Variants in RORA observed in about 807,000 individuals in gnomAD.
The protein encoded by RORA is RAR related orphan receptor A, also known as nuclear receptor ROR-alpha.
In RORA, 7 loss-of-function variants were observed where a neutral mutation model predicts 69.5. The observed-to-expected ratio is 0.10, with a 90% confidence interval of 0.06 to 0.19. The LOEUF is 0.19. RORA is among the 10% of genes least tolerant of loss of function. The pLI is 1.00. For missense variants in RORA, 457 were observed against 663.0 expected (o/e 0.69, Z 3.41); for synonymous variants, 261 against 240.8 (o/e 1.08, Z -0.78).
intron 2 of RORA, among the ~76,000 whole-genome samples, chr15:60,574,983 G>C (rs1157751110): frequency 6.6e-6 from 1 of 152,128 alleles, no homozygotes; most frequent in Non-Finnish European, 1.5e-5. Flanking sequence ...TCAGGGGCAG[G>C]AGAAGAAGAG....
chr15:60,982,851 TA>T (rs1234896803), intron 1 of RORA, among the ~76,000 whole-genome samples: 8 of 152,202 alleles, frequency 5.3e-5, no homozygotes, highest in Admixed American at 3.3e-4. Flanking sequence ...ACTTTTTTTC[TA>T]GCTTTTATAG....
chr15:60,787,867 T>C (rs1350223856), intron 1 of RORA, among the ~76,000 whole-genome samples: 2 of 152,194 alleles, frequency 1.3e-5, no homozygotes, highest in African/African-American at 4.8e-5. Flanking sequence ...AAACCATTCA[T>C]TCATGTATTA....
intron 1 of RORA, among the ~76,000 whole-genome samples, chr15:60,728,689 C>T (rs1354991526): frequency 6.6e-6 from 1 of 152,144 alleles, no homozygotes; most frequent in Non-Finnish European, 1.5e-5. Context: ...GCAGAAACAT[C>T]CCTGCTCCAT....
chr15:60,855,676 G>A (rs373362054), intron 1 of RORA, among the ~76,000 whole-genome samples: 1 of 151,908 alleles, frequency 6.6e-6, no homozygotes, highest in East Asian at 1.9e-4. Flanking sequence ...TGGATTTTGC[G>A]GTGGTGCAAT....
intron 1 of RORA, among the ~76,000 whole-genome samples, chr15:60,696,579 G>C (rs756112817): frequency 1.3e-5 from 2 of 151,742 alleles, no homozygotes; most frequent in African/African-American, 2.4e-5. Context: ...CACCACATAC[G>C]CCTTTGACAG....
chr15:60,606,944 C>G (rs1435028803), intron 2 of RORA, among the ~76,000 whole-genome samples: 7 of 152,184 alleles, frequency 4.6e-5, no homozygotes, highest in Non-Finnish European at 8.8e-5. Context: ...TGTATATGTG[C>G]TTTAAAAAGC....
At chr15:61,084,385 T>C (rs1324505479) in intron 1 of RORA, among the ~76,000 whole-genome samples, 1 of 152,194 alleles carries the variant, frequency 6.6e-6, no homozygotes, top group Non-Finnish European at 1.5e-5. Context: ...TTGCATACCC[T>C]CTCTAGGAAA....
chr15:60,861,809 C>G (rs1386006462), intron 1 of RORA, among the ~76,000 whole-genome samples: 1 of 152,112 alleles, frequency 6.6e-6, no homozygotes, highest in Non-Finnish European at 1.5e-5. Context: ...GAAGGCCATA[C>G]CACTCAGGCT....
chr15:61,064,063 A>C lies in RORA; in HGVS notation c.166+164990T>G, dbSNP rs541086355. Among the ~76,000 whole-genome samples, 17 of 152,304 alleles carry C rather than the reference A, an allele frequency of 1.1e-4. No individual in the cohort carries two copies. In the South Asian group the frequency reaches 3.1e-3, roughly 28 times the overall value. On this transcript the variant is annotated intron_variant, in intron 1 of 10. Transcript: ENST00000335670. The stretch of plus-strand genomic sequence containing the variant: ...TACCAGCCACAACATTCCAGAGTCA[A>C]CCTCGAGGGCAGCTGTGATGGCAAA...
chr15:60,526,794 G>A (rs775929107), intron 3 of RORA, among the ~76,000 whole-genome samples: 4 of 152,182 alleles, frequency 2.6e-5, no homozygotes, highest in Non-Finnish European at 4.4e-5. Context: ...TTTCACAACT[G>A]AGATAATAAT....
At chr15:61,150,266 C>A (rs960726224) in intron 1 of RORA, among the ~76,000 whole-genome samples, 3 of 152,132 alleles carry the variant, frequency 2.0e-5, no homozygotes, top group African/African-American at 7.2e-5. Flanking sequence ...CATTTATTGG[C>A]CTCCTTCAGT....
In RORA at chr15:60,671,067, G is replaced by GATATATATATATATATATAT. The variant is rs10577286; in HGVS notation, c.196+7570_196+7589dup. 2.9e-3 allele frequency among the ~76,000 whole-genome samples: 357 copies of GATATATATATATATATATAT among 122,156 alleles called. 24 individuals are homozygous for GATATATATATATATATATAT. The highest frequency in any genetic ancestry group is 0.01 in the African/African-American group (253 of 24,518). 80.1% of individuals were successfully genotyped at this position (122,156 alleles called of 152,430 possible). A position where few individuals can be genotyped will look rare whatever the true frequency, so the allele number is the denominator to read the frequency against. ...TCTTATATCTCCTATATATCCCATT[G>GATATATATATATATATATAT]ATATATATATATATATATATATATA... is the stretch of plus-strand genomic sequence containing the variant. On this transcript the variant is annotated intron_variant, in intron 2 of 10. Transcript: ENST00000335670.
At chr15:60,670,013 TC>T (rs553659633) in intron 2 of RORA, among the ~76,000 whole-genome samples, 31 of 152,322 alleles carry the variant, frequency 2.0e-4, no homozygotes, top group South Asian at 1.9e-3. Flanking sequence ...CCCTGCCCTA[TC>T]TTTCCATAGG....
At chr15:60,849,622 T>G (rs537668798) in intron 1 of RORA, among the ~76,000 whole-genome samples, 2 of 152,350 alleles carry the variant, frequency 1.3e-5, no homozygotes, top group South Asian at 4.1e-4. Flanking sequence ...TGAGCAGTGA[T>G]GTGCTGATAA....
chr15:60,673,263 G>A (rs2140739815), intron 2 of RORA, among the ~76,000 whole-genome samples: 1 of 152,294 alleles, frequency 6.6e-6, no homozygotes, highest in South Asian at 2.1e-4. Context: ...CATGAACTGT[G>A]GGCTTTAAGA....
At chr15:60,958,693 A>G (rs1026132346) in intron 1 of RORA, among the ~76,000 whole-genome samples, 1 of 152,212 alleles carries the variant, frequency 6.6e-6, no homozygotes, top group Admixed American at 6.5e-5. Context: ...GAAAATGCCT[A>G]ATCTGGTGAC....
chr15:60,992,622 C>T (rs1037821710), intron 1 of RORA, among the ~76,000 whole-genome samples: 10 of 152,186 alleles, frequency 6.6e-5, no homozygotes, highest in South Asian at 6.2e-4. Flanking sequence ...AGCTTTACCT[C>T]CACGATCATC....
chr15:60,611,559 C>CAAAAAAAAAGAAAAAAAA (rs2069087954), intron 2 of RORA, among the ~76,000 whole-genome samples: 1 of 35,810 alleles, frequency 2.8e-5, no homozygotes, highest in African/African-American at 1.1e-4. Context: ...TTGAGTTTTG[C>CAAAAAAAAAGAAAAAAAA]AAAAAAAAAA....
At chr15:60,607,910 T>A (rs2068989118) in intron 2 of RORA, among the ~76,000 whole-genome samples, 1 of 152,230 alleles carries the variant, frequency 6.6e-6, no homozygotes. Context: ...GCAGGTGAAG[T>A]GACAGGTTTC....
Sources: gnomAD v4.1 joint callset for allele counts (sites outside exome capture counted in the v4.1 genomes callset) on GRCh38, gnomAD v4.1.1 for gene constraint, MANE v1.5 for transcripts, NCBI Gene and HGNC (gene_info 2026-07-23, HGNC 2026-07-21) for gene names.